The following TMEM255A variants were observed in gnomAD, a reference collection of about 807,000 sequenced individuals.
TMEM255A encodes the protein transmembrane protein 255A.
Under a neutral mutation model 23.5 loss-of-function variants are expected in TMEM255A, and 14 were observed. The observed-to-expected ratio is 0.60, with a 90% CI of 0.39 to 0.93. The LOEUF is 0.93. Among genes scored for constraint, TMEM255A ranks in the 40% least tolerant of loss-of-function variants. The pLI is 0.00. For missense variants in TMEM255A, 233 were observed against 261.7 expected (o/e 0.89, Z 0.76); for synonymous variants, 104 against 100.3 (o/e 1.04, Z -0.22).
At chrX:120,268,046 C>T (rs1259926713) in intron 8 of TMEM255A, among the ~76,000 whole-genome samples, 198 bp downstream of exon 8, 3 of 111,393 alleles carry the variant, frequency 2.7e-5, no homozygotes, top group Admixed American at 9.6e-5. Context: ...AGCTTCCACC[C>T]GCCCATCTCT....
In TMEM255A at chrX:120,296,847, TC is replaced by T. The variant is rs2057975458; in HGVS notation, c.202-2797del. Among the ~76,000 whole-genome samples the T allele has an allele frequency of 4.5e-4, 8 of 17,704 alleles. 2 individuals are homozygous for T. The highest frequency in any genetic ancestry group is 4.6e-3 in the South Asian group (1 of 216). 15.4% of individuals were successfully genotyped at this position (17,704 alleles called of 115,157 possible). A position where few individuals can be genotyped will look rare whatever the true frequency, so the allele number is the denominator to read the frequency against. On this transcript the variant is annotated intron_variant, in intron 2 of 8. Transcript: ENST00000371369. Reference sequence around the variant, plus strand: ...TAATATATATGATATATAATATATATCATATATAATATATAATATATTATAT... The same window carrying T: ...TAATATATATGATATATAATATATATATATATAATATATAATATATTATAT...
rs1418097196 is a variant in TMEM255A, at chrX:120,305,967, C to T, written c.59-1476G>A. ...AGCTTCGAAAATGAGGGATGTGACTCATCAGGGTCATTTCTAATATGGGAC... is the reference window on the plus strand; with the variant it reads ...AGCTTCGAAAATGAGGGATGTGACTTATCAGGGTCATTTCTAATATGGGAC... On this transcript the variant is annotated intron_variant, in intron 1 of 8. Transcript: ENST00000371369. 3.6e-5 allele frequency among the ~76,000 whole-genome samples: 4 copies of T among 111,727 alleles called. No homozygotes were observed. In the East Asian group the frequency reaches 1.1e-3, roughly 31 times the overall value.
chrX:120,263,355 C>T (rs1316144025), intron 8 of TMEM255A, among the ~76,000 whole-genome samples: 1 of 112,140 alleles, frequency 8.9e-6, no homozygotes, highest in Non-Finnish European at 1.9e-5. Context: ...ACTGCTGGGC[C>T]TAGTCAGCTC....
chrX:120,297,985 C>G (rs1556025199), intron 2 of TMEM255A, among the ~76,000 whole-genome samples: 1 of 111,269 alleles, frequency 9.0e-6, no homozygotes, highest in Non-Finnish European at 1.9e-5. Context: ...GCTCTGTGGT[C>G]TCCCCTCAAG....
the TMEM255A span, chrX:120,252,773 A>G: frequency 1.1e-4 from 12 of 112,070 alleles, no homozygotes; most frequent in African/African-American, 3.9e-4. Context: ...AGGAAAGGGT[A>G]AGAAAGATGT....
At chrX:120,289,336 C>T (rs1333123243) in intron 4 of TMEM255A, among the ~76,000 whole-genome samples, 1 of 112,005 alleles carries the variant, frequency 8.9e-6, no homozygotes, top group African/African-American at 3.2e-5. Flanking sequence ...AGGGCCTGGA[C>T]TCAGAGGCAA....
intron 6 of TMEM255A, among the ~76,000 whole-genome samples, chrX:120,283,432 C>G (rs1228976177): frequency 9.0e-6 from 1 of 110,865 alleles, no homozygotes; most frequent in East Asian, 2.8e-4. Flanking sequence ...AATCCTTAAA[C>G]CAGAGTAACT....
chrX:120,267,006 A>G, intron 8 of TMEM255A, among the ~76,000 whole-genome samples: 1 of 111,985 alleles, frequency 8.9e-6, no homozygotes, highest in Non-Finnish European at 1.9e-5. Flanking sequence ...TGTGGGAGTT[A>G]TTTATATCCT....
At chrX:120,266,046 C>T (rs1219568288) in intron 8 of TMEM255A, among the ~76,000 whole-genome samples, 1 of 105,784 alleles carries the variant, frequency 9.5e-6, no homozygotes, top group Non-Finnish European at 1.9e-5. Flanking sequence ...CCCAGCTACT[C>T]GGGAGGCTGA....
intron 6 of TMEM255A, among the ~76,000 whole-genome samples, chrX:120,283,766 A>G (rs949910030): frequency 2.7e-5 from 3 of 110,911 alleles, no homozygotes; most frequent in Non-Finnish European, 3.8e-5. Context: ...TCCATTCTCT[A>G]TGGCCTGCGC....
downstream of TMEM255A, chrX:120,253,824 C>T: frequency 8.3e-7 from 1 of 1,210,927 alleles, no homozygotes; most frequent in Non-Finnish European, 1.1e-6. Context: ...TAATACTGAG[C>T]CTTTACCTCC....
intron 4 of TMEM255A, 114 bp from the exon 5 acceptor site, chrX:120,287,336 C>G (rs2057884295): frequency 3.7e-6 from 2 of 545,781 alleles, no homozygotes; most frequent in Non-Finnish European, 6.3e-6. Context: ...CACACACACA[C>G]AGAAGCAGGC....
intron 8 of TMEM255A, 41 bp from the exon 9 acceptor site, chrX:120,261,069 T>G: frequency 8.5e-7 from 1 of 1,173,407 alleles, no homozygotes; most frequent in Non-Finnish European, 1.1e-6. Flanking sequence ...GCAGTGAGTT[T>G]GCAATTCCCT....
Position 120,277,020 on chromosome X carries a change from G to A in TMEM255A, c.540C>T (p.Tyr180=), listed in dbSNP as rs372830851. ...GGCAACTGCTGACATCGATGTATTC[G>A]TAGTACCCACCAGTGATCTCCACCC... ...GNRVEITGGY[Y]EYIDVSSCQD... Residue 180 remains tyrosine (Y), a synonymous_variant, in exon 7 of 9, where the codon TAC becomes TAT. Coordinates refer to ENST00000371369, the MANE Select transcript of TMEM255A (RefSeq NM_001104544.3). The A allele has an allele frequency of 6.6e-6, 8 of 1,208,182 alleles. No homozygotes were observed. The highest frequency in any genetic ancestry group is 2.3e-4 in the Middle Eastern group (1 of 4,314).
At chrX:120,287,311 A>G in intron 4 of TMEM255A, 89 bp from the exon 5 acceptor site, 1 of 484,089 alleles carries the variant, frequency 2.1e-6, no homozygotes, top group Non-Finnish European at 3.5e-6. Flanking sequence ...GTTTGAATAC[A>G]CACACACACA....
intron 8 of TMEM255A, 111 bp from the exon 9 acceptor site, chrX:120,261,139 A>G: frequency 2.0e-6 from 2 of 984,105 alleles, no homozygotes; most frequent in Non-Finnish European, 2.7e-6. Flanking sequence ...ATTTGGAAGA[A>G]CAGAGAGCTC....
At chrX:120,296,667 A>C (rs1411972428) in intron 2 of TMEM255A, among the ~76,000 whole-genome samples, 2 of 64,852 alleles carry the variant, frequency 3.1e-5, no homozygotes, top group African/African-American at 6.6e-5. Context: ...ATTATAATAT[A>C]ATATATATTA....
intron 6 of TMEM255A, among the ~76,000 whole-genome samples, chrX:120,279,528 C>A (rs782078635): frequency 8.9e-6 from 1 of 112,025 alleles, no homozygotes; most frequent in African/African-American, 3.2e-5. Flanking sequence ...TGCAGGAGCA[C>A]CTTTGTAGCT....
chrX:120,291,201 G>T, intron 4 of TMEM255A, 50 bp downstream of exon 4: 2 of 972,285 alleles, frequency 2.1e-6, no homozygotes, highest in Non-Finnish European at 2.9e-6. Context: ...ATTCAGTGGG[G>T]CCTTGTTGTA....
Sources: allele counts gnomAD v4.1 joint callset (sites outside exome capture counted in the v4.1 genomes callset), GRCh38; gene constraint gnomAD v4.1.1; transcripts MANE v1.5; gene names NCBI Gene and HGNC (gene_info 2026-07-23, HGNC 2026-07-21).